The following SYNJ2 variants were observed in gnomAD, a reference collection of about 807,000 sequenced individuals.
SYNJ2 encodes polyphosphatidylinositol phosphatase SYNJ2.
Under a neutral mutation model 141.3 loss-of-function variants are expected in SYNJ2, and 116 were observed. The observed-to-expected ratio is 0.82, with a 90% CI of 0.71 to 0.96. The LOEUF (loss-of-function observed/expected upper bound fraction) is 0.96, where lower values mean the gene tolerates loss of function less well. SYNJ2 is among the 40% of genes least tolerant of loss of function. SYNJ2 has a pLI of 0.00. For synonymous variants in SYNJ2, 745 were observed against 777.7 expected (o/e 0.96, Z 0.70); for missense variants, 1,873 against 1,934.8 (o/e 0.97, Z 0.60).
chr6:158,013,764 C>T (rs910979385), intron 1 of SYNJ2, among the ~76,000 whole-genome samples: 4 of 152,094 alleles, frequency 2.6e-5, no homozygotes, highest in Non-Finnish European at 2.9e-5. Flanking sequence ...TTGGTGTAAA[C>T]GAGTGTGGTT....
chr6:158,003,938 G>A lies in SYNJ2; in HGVS notation c.128-13266G>A, dbSNP rs905301535. Among the ~76,000 whole-genome samples the A allele has an allele frequency of 6.6e-5, 10 of 152,332 alleles. 1 individual carries two copies. Among genetic ancestry groups the A allele is most frequent in the South Asian group, 4.1e-4 (2 of 4,828 alleles). On this transcript the variant is annotated intron_variant, in intron 1 of 26. Coordinates refer to ENST00000355585, the MANE Select transcript of SYNJ2 (RefSeq NM_003898.4). ...CCCTTGGACCACTGGAGCTGGAGAC[G>A]GGGAGTTCCCCAGCCTCCTCCAAGG...
chr6:158,009,492 C>T (rs950632851), intron 1 of SYNJ2, among the ~76,000 whole-genome samples: 3 of 152,166 alleles, frequency 2.0e-5, no homozygotes, highest in African/African-American at 4.8e-5. Flanking sequence ...TCCACAGAGC[C>T]GGCGGCTAAA....
intron 9 of SYNJ2, among the ~76,000 whole-genome samples, 169 bp from the exon 10 acceptor site, chr6:158,064,431 AG>A (rs1445657740): frequency 6.6e-6 from 1 of 152,054 alleles, no homozygotes; most frequent in African/African-American, 2.4e-5. Context: ...AGTTGGGGTG[AG>A]ATGTGGGAAG....
Position 158,063,780 on chromosome 6 carries a change from C to A in SYNJ2, c.1128-11C>A. ...CAACATATAACCGTTTACATTTCTT[C>A]TTGTCCTAAGTTTTCAGAAAGGCAC... On this transcript the variant is annotated splice_polypyrimidine_tract_variant and intron_variant, in intron 8 of 26. Transcript: ENST00000355585. 1 of 1,576,022 alleles carries A rather than the reference C, an allele frequency of 6.3e-7. No homozygotes were observed. Among genetic ancestry groups the A allele is most frequent in the Non-Finnish European group, 8.7e-7 (1 of 1,155,362 alleles).
chr6:158,056,247 G>A (rs73017916), intron 6 of SYNJ2, among the ~76,000 whole-genome samples: 241 of 152,290 alleles, frequency 1.6e-3, no homozygotes, highest in Middle Eastern at 3.4e-3. Flanking sequence ...AGATTTTTCA[G>A]AATCCTGGTA....
intron 19 of SYNJ2, 47 bp from the exon 20 acceptor site, chr6:158,081,385 G>A (rs1226462930): frequency 1.2e-6 from 2 of 1,612,160 alleles, no homozygotes; most frequent in African/African-American, 2.7e-5. Context: ...ATCCGTGAGA[G>A]CTGCCAGGTC....
chr6:158,097,814 T>C lies in SYNJ2; in HGVS notation c.*1450T>C, dbSNP rs568629367. On this transcript the variant is annotated 3_prime_UTR_variant, in exon 27 of 27. Coordinates refer to ENST00000355585, the MANE Select transcript of SYNJ2 (RefSeq NM_003898.4). ...CAAAAGTTACAACACGTATCTCTTT[T>C]CATCTGAAAACTAATACCTGGAAAA... 6.7e-5 allele frequency: 10 copies of C among 149,998 alleles called. No individual in the cohort carries two copies. Among genetic ancestry groups the C allele is most frequent in the Non-Finnish European group, 1.3e-4 (9 of 67,772 alleles). 9.3% of individuals were successfully genotyped at this position (149,998 alleles called of 1,614,324 possible).
chr6:158,059,435 C>T (rs1781071248), intron 7 of SYNJ2, 82 bp downstream of exon 7: 1 of 1,531,324 alleles, frequency 6.5e-7, no homozygotes, highest in Admixed American at 2.0e-5. Context: ...GTGGCTCCTG[C>T]AGGGACTGGA....
intron 23 of SYNJ2, among the ~76,000 whole-genome samples, chr6:158,087,875 CTTTTTTTTT>C (rs749329722): frequency 2.1e-5 from 2 of 94,502 alleles, no homozygotes; most frequent in African/African-American, 7.7e-5. Context: ...CAACATACTT[CTTTTTTTTT>C]TTTTTTTTTT....
chr6:158,088,136 C>T (rs1383416567), intron 23 of SYNJ2, among the ~76,000 whole-genome samples: 1 of 138,978 alleles, frequency 7.2e-6, no homozygotes, highest in Non-Finnish European at 1.5e-5. Flanking sequence ...TCACAGCTCA[C>T]TGAAGCCTTG....
intron 4 of SYNJ2, among the ~76,000 whole-genome samples, chr6:158,034,873 G>A (rs1583366989): frequency 6.6e-6 from 1 of 152,176 alleles, no homozygotes; most frequent in Non-Finnish European, 1.5e-5. Flanking sequence ...TGTAAGGAAG[G>A]GGTCCAGTTT....
At chr6:158,024,594 G>T (rs557943408) in intron 2 of SYNJ2, among the ~76,000 whole-genome samples, 1 of 152,304 alleles carries the variant, frequency 6.6e-6, no homozygotes, top group Admixed American at 6.5e-5. Context: ...TATTTACATT[G>T]TATTGTTTAC....
In SYNJ2 at chr6:158,062,135, G is replaced by A; in HGVS notation, c.1098G>A (p.Val366=). 6.2e-7 allele frequency: 1 copy of A among 1,613,996 alleles called. No individual in the cohort carries two copies. The highest frequency in any genetic ancestry group is 8.5e-7 in the Non-Finnish European group (1 of 1,179,988). Residue 366 remains valine, a synonymous_variant, in exon 8 of 27, where the codon GTG becomes GTA. Transcript: ENST00000355585. ...QLKLHWEDFD[V]FTKGENVSPR... is the part of the protein sequence containing the mutation. ...AGCTGCACTGGGAAGACTTCGATGT[G>A]TTCACAAAGGGGGAGAACGTCAGTC...
intron 2 of SYNJ2, among the ~76,000 whole-genome samples, chr6:158,025,742 C>A (rs1229599694): frequency 6.6e-6 from 1 of 152,046 alleles, no homozygotes; most frequent in Non-Finnish European, 1.5e-5. Context: ...CACCTGAGGT[C>A]GGGAGTTTGA....
chr6:158,091,619 CGTGCCTGTT>C (rs999662628), intron 25 of SYNJ2, among the ~76,000 whole-genome samples: 4 of 151,704 alleles, frequency 2.6e-5, no homozygotes, highest in African/African-American at 9.7e-5. Context: ...CGTGGTGGCA[CGTGCCTGTT>C]AGTCCCAGTT....
At position 158,074,709 on chromosome 6, in the gene SYNJ2, C is replaced by T. The variant is rs1335431975; in HGVS notation, c.2263C>T (p.Gln755Ter). 2 of 1,613,410 alleles carry T rather than the reference C, an allele frequency of 1.2e-6. No homozygotes were observed. Among genetic ancestry groups the T allele is most frequent in the Non-Finnish European group, 8.5e-7 (1 of 1,179,892 alleles). Residue 755 changes from glutamine to a stop codon, truncating the protein, a stop_gained, in exon 16 of 27, where the codon CAA becomes TAA. Transcript: ENST00000355585. LOFTEE classifies it high-confidence loss of function. Reference protein sequence around the residue: ...QDWKKLLEFDQLQLQKSSGKI... With the variant: ...QDWKKLLEFD ...CTGGAAGAAACTTCTGGAATTTGATCAACTACAGCTACAGAAATCAAGTGG... is the reference window on the plus strand; with the variant it reads ...CTGGAAGAAACTTCTGGAATTTGATTAACTACAGCTACAGAAATCAAGTGG...
At chr6:158,068,768 G>C (rs1025730776) in intron 13 of SYNJ2, 40 bp downstream of exon 13, 1 of 1,609,160 alleles carries the variant, frequency 6.2e-7, no homozygotes, top group Non-Finnish European at 8.5e-7. Flanking sequence ...GGGACTTCCT[G>C]AGTCAGGTGC....
At chr6:158,016,105 G>A (rs547291578) in intron 1 of SYNJ2, among the ~76,000 whole-genome samples, 102 of 152,230 alleles carry the variant, frequency 6.7e-4, no homozygotes, top group African/African-American at 2.3e-3. Context: ...TGTTCTGGAC[G>A]TTTCATAGAA....
At chr6:158,045,201 G>A (rs545857095) in intron 5 of SYNJ2, among the ~76,000 whole-genome samples, 6 of 139,434 alleles carry the variant, frequency 4.3e-5, no homozygotes, top group South Asian at 5.0e-4. Flanking sequence ...TCTGCCCCCC[G>A]AGTTCAAGCC....
Sources: gnomAD v4.1 joint callset for allele counts (sites outside exome capture counted in the v4.1 genomes callset) on GRCh38, gnomAD v4.1.1 for gene constraint, MANE v1.5 for transcripts, NCBI Gene and HGNC (gene_info 2026-07-23, HGNC 2026-07-21) for gene names.